ATL2: variants seen among roughly 807,000 people sequenced by gnomAD.
ATL2 encodes the protein atlastin-2.
In ATL2, 31 loss-of-function variants were observed where a neutral mutation model predicts 73.9. The observed-to-expected ratio is 0.42, with a 90% CI of 0.32 to 0.57. The LOEUF is 0.57. Among genes scored for constraint, ATL2 ranks in the 20% least tolerant of loss-of-function variants. ATL2 has a pLI of 0.14. For missense variants in ATL2, 738 were observed against 702.6 expected (o/e 1.05, Z -0.57); for synonymous variants, 291 against 237.5 (o/e 1.23, Z -2.07).
At chr2:38,325,633 CA>C (rs1558411577) in intron 2 of ATL2, among the ~76,000 whole-genome samples, 2 of 71,672 alleles carry the variant, frequency 2.8e-5, no homozygotes, top group African/African-American at 2.6e-4. Context: ...TACATACACA[CA>C]CACACACACA....
intron 5 of ATL2, 79 bp downstream of exon 5, chr2:38,315,205 T>C (rs370768877): frequency 6.1e-6 from 8 of 1,308,308 alleles, no homozygotes; most frequent in Non-Finnish European, 7.9e-6. Context: ...GAACCAAGAT[T>C]GTGCCACCGT....
chr2:38,319,295 C>T (rs1158431042), intron 2 of ATL2, among the ~76,000 whole-genome samples: 1 of 152,126 alleles, frequency 6.6e-6, no homozygotes, highest in Non-Finnish European at 1.5e-5. Context: ...ACTCACTTTC[C>T]CCCTTTTCTG....
In ATL2 at chr2:38,293,964, AAAGT is replaced by A; in HGVS notation, c.*2026_*2029del. On this transcript the variant is annotated 3_prime_UTR_variant, in exon 13 of 13. Transcript: ENST00000378954. ...ATGGTCTAGATTTTATAACTTTTTA[AAAGT>A]AAGCTGTCTTTAATTTCAGAAAATC... Among the ~76,000 whole-genome samples the A allele has an allele frequency of 6.6e-6, 1 of 152,366 alleles. No homozygotes were observed. The highest frequency in any genetic ancestry group is 2.1e-4 in the South Asian group (1 of 4,832).
chr2:38,366,115 A>G (rs1671317550), intron 1 of ATL2, among the ~76,000 whole-genome samples: 2 of 151,456 alleles, frequency 1.3e-5, no homozygotes, highest in African/African-American at 4.9e-5. Context: ...AAAAAAAAAC[A>G]AAGATAAAGT....
At chr2:38,351,926 A>G (rs1473536699) in intron 1 of ATL2, among the ~76,000 whole-genome samples, 1 of 151,856 alleles carries the variant, frequency 6.6e-6, no homozygotes, top group Non-Finnish European at 1.5e-5. Context: ...AGCCTGGCCA[A>G]CATGATGAAA....
chr2:38,330,279 C>A (rs1437687026), intron 2 of ATL2, among the ~76,000 whole-genome samples: 4 of 145,860 alleles, frequency 2.7e-5, no homozygotes, highest in African/African-American at 7.6e-5. Context: ...AAAAAAAAAT[C>A]TACAAAAAAT....
chr2:38,318,943 G>C lies in ATL2; in HGVS notation c.440C>G (p.Thr147Arg). Residue 147 changes from threonine (T) to arginine (R), a missense_variant, in exon 3 of 13, where the codon ACA becomes AGA. Physicochemically the swap from Thr to Arg is moderately conservative, Grantham distance 71. Coordinates refer to ENST00000378954, the MANE Select transcript of ATL2 (RefSeq NM_001135673.4). ...FTWRGGCERE[T>R]TGIQVWNEVF... ...TTCATTCCAAACTTGTATGCCTGTT[G>C]TTTCTCTTTCACAGCCACCTCGCCA... 1.2e-6 allele frequency: 2 copies of C among 1,613,962 alleles called. No individual in the cohort carries two copies. The highest frequency in any genetic ancestry group is 1.7e-6 in the Non-Finnish European group (2 of 1,179,924).
intron 1 of ATL2, among the ~76,000 whole-genome samples, chr2:38,347,161 A>G (rs1670060760): frequency 6.6e-6 from 1 of 152,222 alleles, no homozygotes; most frequent in Admixed American, 6.5e-5. Flanking sequence ...GACAAACAAA[A>G]GAAGAAAGCC....
At chr2:38,340,112 A>G (rs1188173541) in intron 2 of ATL2, among the ~76,000 whole-genome samples, 1 of 145,376 alleles carries the variant, frequency 6.9e-6, no homozygotes, top group Non-Finnish European at 1.5e-5. Flanking sequence ...ATTCACGTAA[A>G]GTTCAAAAAC....
intron 1 of ATL2, among the ~76,000 whole-genome samples, chr2:38,373,365 T>C (rs1262681673): frequency 6.6e-6 from 1 of 152,224 alleles, no homozygotes; most frequent in East Asian, 1.9e-4. Context: ...CTCTAAGTGG[T>C]TGTTTGGGGA....
chr2:38,368,247 C>CTTT (rs569726038), intron 1 of ATL2, among the ~76,000 whole-genome samples: 2 of 138,040 alleles, frequency 1.4e-5, no homozygotes, highest in African/African-American at 2.6e-5. Context: ...AAAATAAGGA[C>CTTT]TTTTTTTTTT....
chr2:38,327,114 AAAG>A (rs1668706591), intron 2 of ATL2, among the ~76,000 whole-genome samples: 1 of 152,194 alleles, frequency 6.6e-6, no homozygotes, highest in Non-Finnish European at 1.5e-5. Flanking sequence ...TTATCCTACA[AAAG>A]AAGTAAAGAC....
At chr2:38,359,429 G>C (rs531495812) in intron 1 of ATL2, 1 of 145,860 alleles carries the variant, frequency 6.9e-6, no homozygotes, top group Admixed American at 7.0e-5. Flanking sequence ...AGTGAGACAA[G>C]ATCCCGCCAT....
intron 12 of ATL2, 59 bp downstream of exon 12, chr2:38,298,085 G>C: frequency 6.8e-7 from 1 of 1,475,858 alleles, no homozygotes; most frequent in Non-Finnish European, 9.2e-7. Context: ...TACTGCAAAG[G>C]ATGGAAAGTC....
chr2:38,367,603 A>AAAC (rs1671409318), intron 1 of ATL2, among the ~76,000 whole-genome samples: 1 of 141,306 alleles, frequency 7.1e-6, no homozygotes, highest in African/African-American at 2.9e-5. Flanking sequence ...TCAAAAAAAA[A>AAAC]AAAAAAAAAA....
At chr2:38,344,332 T>C (rs976734210) in intron 1 of ATL2, among the ~76,000 whole-genome samples, 3 of 152,190 alleles carry the variant, frequency 2.0e-5, no homozygotes, top group African/African-American at 7.2e-5. Flanking sequence ...AAATTGTTCA[T>C]GTGGCTGGGT....
chr2:38,354,095 G>A (rs981377109), intron 1 of ATL2: 1 of 385,692 alleles, frequency 2.6e-6, no homozygotes, highest in Non-Finnish European at 5.1e-6. Context: ...GGGAGGCTGA[G>A]GCAGAGGAAT....
Position 38,300,255 on chromosome 2 carries a change from ACT to A in ATL2, c.1128+15_1128+16del, listed in dbSNP as rs145819319. The A allele has an allele frequency of 0.025, 30,855 of 1,241,072 alleles. No individual in the cohort carries two copies. Among genetic ancestry groups the A allele is most frequent in the South Asian group, 0.053 (3,391 of 63,530 alleles). 76.9% of individuals were successfully genotyped at this position (1,241,072 alleles called of 1,614,324 possible). A position where few individuals can be genotyped will look rare whatever the true frequency, so the allele number is the denominator to read the frequency against. On this transcript the variant is annotated intron_variant, in intron 10 of 12. Transcript: ENST00000378954. ...AATAAGTATATGTACAACACATATCACTCTCTCTCTCTCTACCTGAAGCATGG... is the reference window on the plus strand; with the variant it reads ...AATAAGTATATGTACAACACATATCACTCTCTCTCTCTACCTGAAGCATGG...
intron 4 of ATL2, among the ~76,000 whole-genome samples, chr2:38,315,866 T>C (rs1457346432): frequency 6.6e-6 from 1 of 152,180 alleles, no homozygotes; most frequent in East Asian, 1.9e-4. Context: ...CAGTTTTCAC[T>C]TACACTCAAC....
Sources: allele counts gnomAD v4.1 joint callset (sites outside exome capture counted in the v4.1 genomes callset), GRCh38; gene constraint gnomAD v4.1.1; transcripts MANE v1.5; gene names NCBI Gene and HGNC (gene_info 2026-07-23, HGNC 2026-07-21).